The following LETMD1 variants were observed in gnomAD, a reference collection of about 807,000 sequenced individuals.
LETMD1 encodes LETM1 domain-containing protein 1.
A neutral mutation model predicts 43.9 loss-of-function variants in LETMD1; 30 were observed. The observed-to-expected ratio is 0.68, with a 90% CI of 0.51 to 0.93. LETMD1 has a LOEUF of 0.93. Ranked by LOEUF, LETMD1 falls within the 40% of genes least tolerant of loss-of-function variation. The pLI, the probability that LETMD1 is intolerant of heterozygous loss-of-function variation, is 0.00. For missense variants in LETMD1, 413 were observed against 447.7 expected (o/e 0.92, Z 0.70); for synonymous variants, 176 against 163.1 (o/e 1.08, Z -0.60).
downstream of LETMD1, chr12:51,062,796 G>A (rs1278833665): frequency 6.6e-6 from 1 of 152,362 alleles, no homozygotes; most frequent in Non-Finnish European, 1.5e-5. Context: ...ATCTCACAAA[G>A]AGGGAAAAAC....
chr12:51,061,085 T>A (rs1336552548), downstream of LETMD1: 1 of 152,096 alleles, frequency 6.6e-6, no homozygotes, highest in African/African-American at 2.4e-5. Flanking sequence ...TCACAAAATG[T>A]TTCTATTGTT....
chr12:51,064,768 T>C, downstream of LETMD1: 1 of 1,084,852 alleles, frequency 9.2e-7, no homozygotes, highest in Non-Finnish European at 1.3e-6. Context: ...GGATTTGAGG[T>C]CTCCTTGTAA....
chr12:51,050,347 C>A (rs1051544718), intron 2 of LETMD1, among the ~76,000 whole-genome samples: 2 of 151,718 alleles, frequency 1.3e-5, no homozygotes, highest in African/African-American at 4.8e-5. Flanking sequence ...CTTAGCCTCC[C>A]AAGTAGCTGG....
At position 51,059,822 on chromosome 12, in the gene LETMD1, T is replaced by C. The variant is rs1948678965; in HGVS notation, c.*391T>C. 5.7e-6 allele frequency: 1 copy of C among 175,104 alleles called. No homozygotes were observed. Among genetic ancestry groups the C allele is most frequent in the Admixed American group, 5.8e-5 (1 of 17,384 alleles). The allele number at this position is 175,104 out of a possible 1,614,324, so 10.8% of individuals were successfully genotyped here. A position where few individuals can be genotyped will look rare whatever the true frequency, so the allele number is the denominator to read the frequency against. On this transcript the variant is annotated 3_prime_UTR_variant, in exon 9 of 9. Coordinates refer to ENST00000262055, the MANE Select transcript of LETMD1 (RefSeq NM_015416.5). ...GATCCACTTCCATGTTACTTACATC[T>C]GTGGGTTTTTGTTGTTGCTGTTAGA...
At chr12:51,058,270 C>G in intron 8 of LETMD1, 142 bp downstream of exon 8, 1 of 643,048 alleles carries the variant, frequency 1.6e-6, no homozygotes, top group East Asian at 2.7e-5. Context: ...ACTCACATGC[C>G]TACTGCATGC....
chr12:51,054,418 C>G (rs1224644549), intron 4 of LETMD1, among the ~76,000 whole-genome samples: 4 of 152,086 alleles, frequency 2.6e-5, no homozygotes, highest in Non-Finnish European at 5.9e-5. Flanking sequence ...GACAGAGGTC[C>G]CTTAGTGATA....
chr12:51,054,719 G>T (rs1306971312), intron 4 of LETMD1, among the ~76,000 whole-genome samples: 2 of 152,150 alleles, frequency 1.3e-5, no homozygotes, highest in East Asian at 3.8e-4. Context: ...AAAAGGGCAG[G>T]ATGTAGACCT....
chr12:51,057,836 A>G (rs1435712925), intron 7 of LETMD1, 196 bp from the exon 8 acceptor site: 10 of 613,944 alleles, frequency 1.6e-5, no homozygotes, highest in East Asian at 3.0e-5. Context: ...CATATTGGCC[A>G]GGCTGGTCTC....
chr12:51,061,551 A>AAGAC (rs748209242), downstream of LETMD1: 11 of 152,676 alleles, frequency 7.2e-5, no homozygotes, highest in Non-Finnish European at 1.2e-4. Context: ...TTCGCTTGAC[A>AAGAC]AGACAGTTAA....
intron 7 of LETMD1, 136 bp from the exon 8 acceptor site, chr12:51,057,896 A>T: frequency 1.4e-6 from 1 of 732,164 alleles, no homozygotes; most frequent in South Asian, 1.5e-5. Context: ...AAGTGCTGGG[A>T]TTACAGGCAC....
Position 51,055,901 on chromosome 12 carries a change from A to G in LETMD1, c.540A>G (p.Leu180=), listed in dbSNP as rs1946451233. 1.2e-6 allele frequency: 2 copies of G among 1,613,870 alleles called. No individual in the cohort carries two copies. Among genetic ancestry groups the G allele is most frequent in the African/African-American group, 1.3e-5 (1 of 74,910 alleles). The change falls in exon 5 of 9, where the codon TTA becomes TTG. Residue 180 remains leucine (L), a synonymous_variant. Coordinates refer to ENST00000262055, the MANE Select transcript of LETMD1 (RefSeq NM_015416.5). The part of the protein sequence containing the change: ...FWTPKQQTDF[L]DIYHAFRKQS... ...CCCCAAAACAACAAACTGATTTCTT[A>G]GATATCTATCATGCTTTCCGGAAGC...
chr12:51,066,230 G>A, the LETMD1 span, among the ~76,000 whole-genome samples: 15 of 152,026 alleles, frequency 9.9e-5, no homozygotes, highest in Non-Finnish European at 1.6e-4. Context: ...TGAGGCAGGC[G>A]GATCACGAGG....
chr12:51,048,748 T>C (rs567022202), intron 1 of LETMD1: 1 of 593,884 alleles, frequency 1.7e-6, no homozygotes, highest in South Asian at 2.1e-5. Context: ...ACCGCTGCTA[T>C]CTCGATTCCA....
rs577983381 is a variant in LETMD1 at position 51,056,810 on chromosome 12, G to A, written c.915+308G>A. ...CTGGATTACAGGTGTGCACCACCAC[G>A]CCCAGCTAATTTTTTGTATTTTTAG... is the stretch of plus-strand genomic sequence containing the variant. On this transcript the variant is annotated intron_variant, in intron 7 of 8. Transcript: ENST00000262055. The A allele has an allele frequency of 1.5e-3, 326 of 223,316 alleles. 1 individual carries two copies. Among genetic ancestry groups the A allele is most frequent in the South Asian group, 4.1e-3 (59 of 14,506 alleles). 13.8% of individuals were successfully genotyped at this position (223,316 alleles called of 1,614,324 possible).
chr12:51,058,500 C>A (rs906554406), intron 8 of LETMD1: 4 of 185,530 alleles, frequency 2.2e-5, no homozygotes, highest in African/African-American at 9.5e-5. Context: ...CTCACCGTAA[C>A]CTCTGCCTCC....
chr12:51,056,150 C>A lies in LETMD1; in HGVS notation c.667C>A (p.Arg223Ser). 1 of 1,614,064 alleles carries A rather than the reference C, an allele frequency of 6.2e-7. No individual in the cohort carries two copies. Among genetic ancestry groups the A allele is most frequent in the Non-Finnish European group, 8.5e-7 (1 of 1,179,910 alleles). The change falls in exon 6 of 9, where the codon CGT becomes AGT. Residue 223 changes from arginine to serine, a missense_variant. Arg to Ser is a moderately radical substitution (Grantham distance 110). Transcript: ENST00000262055. ...ATCTCTTACCTCTTCCAAGATACAG[C>A]GTGGTACCCACCCAGCAATACATGA... ...RLTDLCTKIQ[R>S]GTHPAIHDIL...
the LETMD1 span, among the ~76,000 whole-genome samples, chr12:51,065,494 T>C: frequency 0.048 from 7,369 of 152,242 alleles, 401 homozygotes; most frequent in African/African-American, 0.13. Context: ...ACTCCAGTTA[T>C]ACCATTTTTT....
chr12:51,067,940 C>T, the LETMD1 span: 1 of 1,614,108 alleles, frequency 6.2e-7, no homozygotes, highest in Middle Eastern at 1.6e-4. The surrounding 1 kb of genome is among the most constrained non-coding windows in gnomAD (Gnocchi z 4.1). Flanking sequence ...CATCAGCCTC[C>T]ACCGACTCCA....
At chr12:51,054,270 T>C (rs1946996627) in intron 4 of LETMD1, among the ~76,000 whole-genome samples, 1 of 152,252 alleles carries the variant, frequency 6.6e-6, no homozygotes, top group Non-Finnish European at 1.5e-5. Flanking sequence ...ATGTCATTCA[T>C]TATCTATTGC....
Sources: allele counts gnomAD v4.1 joint callset (sites outside exome capture counted in the v4.1 genomes callset), GRCh38; gene constraint gnomAD v4.1.1; non-coding constraint Gnocchi (gnomAD v3.1); transcripts MANE v1.5; gene names NCBI Gene and HGNC (gene_info 2026-07-23, HGNC 2026-07-21).